Variants in MORC4 observed in about 807,000 individuals in gnomAD.
The protein encoded by MORC4 is MORC family CW-type zinc finger protein 4.
Under a neutral mutation model 65.5 loss-of-function variants are expected in MORC4, and 22 were observed. The observed-to-expected ratio is 0.34, with a 90% CI of 0.24 to 0.48. The LOEUF (loss-of-function observed/expected upper bound fraction) is 0.48. MORC4 is among the 20% of genes least tolerant of loss of function. The pLI is 0.99. For synonymous variants in MORC4, 267 were observed against 255.8 expected (o/e 1.04, Z -0.42); for missense variants, 624 against 703.0 (o/e 0.89, Z 1.27).
At chrX:106,966,451 C>A (rs746862793) in intron 9 of MORC4, among the ~76,000 whole-genome samples, 1 of 112,557 alleles carries the variant, frequency 8.9e-6, no homozygotes, top group African/African-American at 3.2e-5. Flanking sequence ...TGGGTGCAGA[C>A]CATGGAGGGC....
intron 9 of MORC4, among the ~76,000 whole-genome samples, chrX:106,971,551 T>A (rs1934510408): frequency 8.9e-6 from 1 of 111,799 alleles, no homozygotes; most frequent in African/African-American, 3.3e-5. Context: ...GGGAGAAAAA[T>A]TTTGTAAACT....
At chrX:106,958,171 G>A (rs1277824891) in intron 11 of MORC4, among the ~76,000 whole-genome samples, 165 bp downstream of exon 11, 1 of 112,162 alleles carries the variant, frequency 8.9e-6, no homozygotes, top group Non-Finnish European at 1.9e-5. Context: ...CAAAGTTTGT[G>A]TTAAGATACC....
Position 106,941,233 on chromosome X carries a change from C to CTAA in MORC4, c.*245_*246insTTA, listed in dbSNP as rs1352073480. On this transcript the variant is annotated 3_prime_UTR_variant, in exon 17 of 17. Coordinates refer to ENST00000355610, the MANE Select transcript of MORC4 (RefSeq NM_024657.5). ...GCTTTCAGGTCACCTAGCTTAGTGACTATTGCTTTTCTGACCCTAGACTCT... is the reference window on the plus strand; with the variant it reads ...GCTTTCAGGTCACCTAGCTTAGTGACTAATATTGCTTTTCTGACCCTAGACTCT... The CTAA allele has an allele frequency of 3.4e-6, 1 of 294,553 alleles. No homozygotes were observed. The allele number at this position is 294,553 out of a possible 1,213,427, so 24.3% of individuals were successfully genotyped here. A position where few individuals can be genotyped will look rare whatever the true frequency, so the allele number is the denominator to read the frequency against.
intron 3 of MORC4, among the ~76,000 whole-genome samples, chrX:106,990,817 A>G (rs961858545): frequency 2.7e-5 from 3 of 111,222 alleles, no homozygotes; most frequent in African/African-American, 9.8e-5. Flanking sequence ...GGTTGCAATG[A>G]GCTGAGATCA....
intron 9 of MORC4, among the ~76,000 whole-genome samples, chrX:106,972,768 G>A (rs1311652784): frequency 3.6e-5 from 4 of 111,574 alleles, no homozygotes; most frequent in Admixed American, 9.5e-5. Flanking sequence ...GAGAAACCCC[G>A]TCTCTACTAA....
chrX:106,941,886 G>C, intron 16 of MORC4, 52 bp downstream of exon 16: 1 of 1,136,234 alleles, frequency 8.8e-7, no homozygotes, highest in Non-Finnish European at 1.2e-6. Flanking sequence ...GGGTCCTAAG[G>C]GATGCTTCCC....
intron 11 of MORC4, among the ~76,000 whole-genome samples, chrX:106,957,644 A>G (rs1934142439): frequency 8.9e-6 from 1 of 111,889 alleles, no homozygotes; most frequent in East Asian, 2.8e-4. Flanking sequence ...AAAAACTTTT[A>G]AAGTTAATGC....
intron 5 of MORC4, among the ~76,000 whole-genome samples, chrX:106,983,136 G>A (rs1457107524): frequency 3.6e-5 from 4 of 112,073 alleles, no homozygotes; most frequent in Admixed American, 9.5e-5. Context: ...GGATTTTGTA[G>A]CACTTCCGAT....
intron 7 of MORC4, among the ~76,000 whole-genome samples, chrX:106,979,798 A>C (rs1175015987): frequency 9.0e-6 from 1 of 111,144 alleles, no homozygotes; most frequent in Non-Finnish European, 1.9e-5. Flanking sequence ...GTAGTTGGCA[A>C]GCACTTCTTT....
chrX:106,947,563 T>TATATATATTATATATATATATATATATA (rs1569295394), intron 14 of MORC4, among the ~76,000 whole-genome samples: 10 of 66,583 alleles, frequency 1.5e-4, no homozygotes, highest in South Asian at 6.6e-4. Flanking sequence ...TTAATCTATA[T>TATATATATTATATATATATATATATATA]ATATATATTA....
intron 9 of MORC4, among the ~76,000 whole-genome samples, chrX:106,964,694 T>C (rs1182799415): frequency 8.9e-6 from 1 of 112,129 alleles, no homozygotes; most frequent in Non-Finnish European, 1.9e-5. Flanking sequence ...ATTTTCTATA[T>C]AATGTAAGAG....
chrX:106,955,201 T>C lies in MORC4; in HGVS notation c.1510-113A>G, dbSNP rs139827401. ...TGCTTGGCCAAATAAAAAGAAACTG[T>C]TTCCTACACAAAACAAACAGTGTGC... is the stretch of plus-strand genomic sequence containing the variant. On this transcript the variant is annotated intron_variant, in intron 13 of 16. Coordinates refer to ENST00000355610, the MANE Select transcript of MORC4 (RefSeq NM_024657.5). 2,816 of 547,366 alleles carry C rather than the reference T, an allele frequency of 5.1e-3. 53 individuals carry two copies. The African/African-American group carries it at 0.057, about 11-fold the overall frequency. 45.1% of individuals were successfully genotyped at this position (547,366 alleles called of 1,213,427 possible).
intron 9 of MORC4, among the ~76,000 whole-genome samples, chrX:106,971,706 A>T (rs1934514737): frequency 8.9e-6 from 1 of 112,629 alleles, no homozygotes; most frequent in South Asian, 3.7e-4. Flanking sequence ...GCCAACAGAC[A>T]TATGAAAAAA....
At chrX:106,993,538 A>G (rs1935020251) in intron 2 of MORC4, among the ~76,000 whole-genome samples, 176 bp from the exon 3 acceptor site, 1 of 112,191 alleles carries the variant, frequency 8.9e-6, no homozygotes, top group Admixed American at 9.5e-5. Flanking sequence ...AGAACAAAAG[A>G]GATGATGCCA....
At position 106,999,739 on chromosome X, in the gene MORC4, C is replaced by G; in HGVS notation, c.113G>C (p.Arg38Pro). Residue 38 changes from arginine to proline, a missense_variant, in exon 2 of 17, where the codon CGC (arginine) becomes CCC (proline). By Grantham distance (103) the Arg-to-Pro change is moderately radical. Coordinates refer to ENST00000355610, the MANE Select transcript of MORC4 (RefSeq NM_024657.5). Reference protein sequence around the residue: ...FGIRLSTMSPRYLQSNSSSHT... With the variant: ...FGIRLSTMSPPYLQSNSSSHT... ...GCTGCTGGAGTTGCTCTGGAGGTAG[C>G]GGGGGCTCATCTGGGGGCGAGAGAA... is the stretch of plus-strand genomic sequence containing the variant. 1.8e-6 allele frequency: 2 copies of G among 1,114,790 alleles called. No individual in the cohort carries two copies. The highest frequency in any genetic ancestry group is 4.0e-5 in the East Asian group (1 of 25,134). The allele number at this position is 1,114,790 out of a possible 1,213,427, so 91.9% of individuals were successfully genotyped here.
chrX:106,999,197 T>C (rs922114278), intron 2 of MORC4, among the ~76,000 whole-genome samples: 1 of 111,157 alleles, frequency 9.0e-6, no homozygotes, highest in African/African-American at 3.3e-5. Context: ...GTGTCATCTC[T>C]TAAGAGATGT....
At chrX:106,958,707 G>C (rs1415583843) in intron 10 of MORC4, among the ~76,000 whole-genome samples, 1 of 111,524 alleles carries the variant, frequency 9.0e-6, no homozygotes, top group Non-Finnish European at 1.9e-5. Flanking sequence ...CTTTTATAGA[G>C]GTCAATAATA....
At chrX:106,973,493 A>G (rs1402930398) in intron 9 of MORC4, among the ~76,000 whole-genome samples, 5 of 111,479 alleles carry the variant, frequency 4.5e-5, no homozygotes, top group East Asian at 2.8e-4. Flanking sequence ...CGGGGTGAAT[A>G]TATTTTGCAT....
chrX:106,956,238 G>A (rs1167073856), intron 13 of MORC4, among the ~76,000 whole-genome samples: 1 of 112,006 alleles, frequency 8.9e-6, no homozygotes, highest in Non-Finnish European at 1.9e-5. Flanking sequence ...TATTCATACT[G>A]TCCAGAGTCA....
Sources: allele counts gnomAD v4.1 joint callset (sites outside exome capture counted in the v4.1 genomes callset), GRCh38; gene constraint gnomAD v4.1.1; transcripts MANE v1.5; gene names NCBI Gene and HGNC (gene_info 2026-07-23, HGNC 2026-07-21).